MAPK8IP2: variants seen among roughly 807,000 people sequenced by gnomAD.
The protein encoded by MAPK8IP2 is C-Jun-amino-terminal kinase-interacting protein 2.
A neutral mutation model predicts 75.6 loss-of-function variants in MAPK8IP2; 15 were observed. The observed-to-expected ratio is 0.20, with a 90% CI of 0.13 to 0.31. MAPK8IP2 has a LOEUF of 0.31. Among genes scored for constraint, MAPK8IP2 ranks in the 10% least tolerant of loss-of-function variants. MAPK8IP2 has a pLI of 1.00. For synonymous variants in MAPK8IP2, 632 were observed against 554.5 expected, an observed-to-expected ratio of 1.14 and a Z score of -1.96; for missense variants, 1,089 against 1,211.2, an observed-to-expected ratio of 0.90 and a Z score of 1.50.
chr22:50,603,503 G>A lies in MAPK8IP2; in HGVS notation c.447+5G>A. On this transcript the variant is annotated splice_donor_5th_base_variant and intron_variant, in intron 3 of 11. Transcript: ENST00000329492. Reference sequence around the variant, plus strand: ...CTGACCACACTGGGGGCCCAGGTGAGTGCCCGGACCCACAGCTCCCTGGAG... The same window carrying A: ...CTGACCACACTGGGGGCCCAGGTGAATGCCCGGACCCACAGCTCCCTGGAG... 1 of 1,563,364 alleles carries A rather than the reference G, an allele frequency of 6.4e-7. No homozygotes were observed. Among genetic ancestry groups the A allele is most frequent in the Non-Finnish European group, 8.7e-7 (1 of 1,150,660 alleles).
intron 10 of MAPK8IP2, among the ~76,000 whole-genome samples, chr22:50,609,284 T>G (rs528874798): frequency 2.1e-3 from 319 of 152,242 alleles, no homozygotes; most frequent in Non-Finnish European, 2.7e-3. Flanking sequence ...CCATCCTGCC[T>G]GTGTGTCCTG....
chr22:50,603,090 G>A, intron 2 of MAPK8IP2, 133 bp from the exon 3 acceptor site: 1 of 1,561,178 alleles, frequency 6.4e-7, no homozygotes, highest in Non-Finnish European at 8.7e-7. Context: ...TCGCCCTGTA[G>A]ACAGAGGGGC....
At chr22:50,601,487 T>TGTA in intron 1 of MAPK8IP2, 2 of 341,404 alleles carry the variant, frequency 5.9e-6, no homozygotes, top group South Asian at 3.6e-5. Context: ...TGCAAGACCC[T>TGTA]GACCCCAGGG....
In MAPK8IP2 at chr22:50,607,743, C is replaced by A. The variant is rs766564467; in HGVS notation, c.2303+752C>A. Among the ~76,000 whole-genome samples the A allele has an allele frequency of 2.5e-4, 38 of 151,870 alleles. No individual in the cohort carries two copies. Among genetic ancestry groups the A allele is most frequent in the Non-Finnish European group, 5.2e-4 (35 of 67,948 alleles). On this transcript the variant is annotated intron_variant, in intron 10 of 11. Coordinates refer to ENST00000329492, the MANE Select transcript of MAPK8IP2 (RefSeq NM_012324.6). The surrounding 1 kb of genome is among the most constrained non-coding windows in gnomAD (Gnocchi z 5.6). ...GCGGGATCAATCACAAACGGTGAGA[C>A]TGAAGTGGCCGTTGGTCCCATGGGT...
At position 50,613,855 on chromosome 22, in the gene MAPK8IP2, C is replaced by T. The variant is rs1189455499; in HGVS notation, c.*3076C>T. On this transcript the variant is annotated 3_prime_UTR_variant, in exon 12 of 12. Coordinates refer to ENST00000329492, the MANE Select transcript of MAPK8IP2 (RefSeq NM_012324.6). ...CCAGAGAGCAGGCGTGGCTGTTGAC[C>T]TTAGGTCCTCCCAGAACCTGGCGGA... 1.3e-5 allele frequency: 2 copies of T among 152,238 alleles called. No homozygotes were observed. The highest frequency in any genetic ancestry group is 2.9e-5 in the Non-Finnish European group (2 of 68,038). 9.4% of individuals were successfully genotyped at this position (152,238 alleles called of 1,614,324 possible). A position where few individuals can be genotyped will look rare whatever the true frequency, so the allele number is the denominator to read the frequency against.
chr22:50,601,862 G>A lies in MAPK8IP2; in HGVS notation c.139G>A (p.Gly47Ser), dbSNP rs1175641888. Residue 47 changes from glycine to serine, a missense_variant, in exon 2 of 12, where the codon GGC (glycine) becomes AGC (serine). Coordinates refer to ENST00000329492, the MANE Select transcript of MAPK8IP2 (RefSeq NM_012324.6). ...TGAGATCACTGATGACTGTGGCCTG[G>A]GCCTCAGCTACGACTCAGACCACTG... ...LSEITDDCGL[G>S]LSYDSDHCEK... is the part of the protein sequence containing the mutation. 2 of 1,613,908 alleles carry A rather than the reference G, an allele frequency of 1.2e-6. No homozygotes were observed. The highest frequency in any genetic ancestry group is 1.3e-5 in the African/African-American group (1 of 75,044).
rs1402862769 is a variant in MAPK8IP2 at position 50,607,529 on chromosome 22, G to A, written c.2303+538G>A. ...GCTCCTAATGGAAGGAGGTGACACAGGGGACCTGGGGGCTGCTGAGGTTAT... is the reference window on the plus strand; with the variant it reads ...GCTCCTAATGGAAGGAGGTGACACAAGGGACCTGGGGGCTGCTGAGGTTAT... On this transcript the variant is annotated intron_variant, in intron 10 of 11. Coordinates refer to ENST00000329492, the MANE Select transcript of MAPK8IP2 (RefSeq NM_012324.6). This position sits in a 1 kb window ranked among gnomAD's most constrained non-coding sequence, Gnocchi z 5.6. Among the ~76,000 whole-genome samples the A allele has an allele frequency of 6.6e-6, 1 of 152,150 alleles. No homozygotes were observed. The highest frequency in any genetic ancestry group is 1.5e-5 in the Non-Finnish European group (1 of 68,016).
At position 50,600,823 on chromosome 22, in the gene MAPK8IP2, C is replaced by T; in HGVS notation, c.5C>T (p.Ala2Val). ...CGCGGGCCTCTCCCGGAGAAGATGG[C>T]GGATCGCGCGGAGATGTTTTCTCTC... is the stretch of plus-strand genomic sequence containing the variant. M[A>V]DRAEMFSLST... The change falls in exon 1 of 12, where the codon GCG (alanine) becomes GTG (valine). Residue 2 changes from alanine to valine, a missense_variant. By Grantham distance (64) the Ala-to-Val change is moderately conservative. Coordinates refer to ENST00000329492, the MANE Select transcript of MAPK8IP2 (RefSeq NM_012324.6). 3 of 1,291,500 alleles carry T rather than the reference C, an allele frequency of 2.3e-6. No homozygotes were observed. The highest frequency in any genetic ancestry group is 1.4e-5 in the South Asian group (1 of 71,654). 80.0% of individuals were successfully genotyped at this position (1,291,500 alleles called of 1,614,324 possible). A position where few individuals can be genotyped will look rare whatever the true frequency, so the allele number is the denominator to read the frequency against.
chr22:50,608,908 T>G (rs1195911818), intron 10 of MAPK8IP2, among the ~76,000 whole-genome samples: 2 of 152,108 alleles, frequency 1.3e-5, no homozygotes, highest in Non-Finnish European at 2.9e-5. Context: ...GACCCAAATT[T>G]CTCATCAGAA....
At position 50,607,078 on chromosome 22, in the gene MAPK8IP2, G is replaced by A. The variant is rs2071065867; in HGVS notation, c.2303+87G>A. On this transcript the variant is annotated intron_variant, in intron 10 of 11. Transcript: ENST00000329492. This position sits in a 1 kb window ranked among gnomAD's most constrained non-coding sequence, Gnocchi z 5.6. Reference sequence around the variant, plus strand: ...CCCCCTGAGTCCCCACAGACCCTGAGGGCTGCCCGTGCCCAGCCCTGAGAG... The same window carrying A: ...CCCCCTGAGTCCCCACAGACCCTGAAGGCTGCCCGTGCCCAGCCCTGAGAG... 1.8e-6 allele frequency: 2 copies of A among 1,100,574 alleles called. No individual in the cohort carries two copies. Among genetic ancestry groups the A allele is most frequent in the Middle Eastern group, 2.4e-4 (1 of 4,164 alleles). The allele number at this position is 1,100,574 out of a possible 1,614,324, so 68.2% of individuals were successfully genotyped here.
Position 50,604,566 on chromosome 22 carries a change from G to A in MAPK8IP2, c.1267G>A (p.Ala423Thr). The A allele has an allele frequency of 1.7e-6, 2 of 1,180,996 alleles. No homozygotes were observed. Among genetic ancestry groups the A allele is most frequent in the Non-Finnish European group, 2.1e-6 (2 of 959,398 alleles). The allele number at this position is 1,180,996 out of a possible 1,614,324, so 73.2% of individuals were successfully genotyped here. A position where few individuals can be genotyped will look rare whatever the true frequency, so the allele number is the denominator to read the frequency against. Residue 423 changes from alanine to threonine, a missense_variant, in exon 5 of 12, where the codon GCC (alanine) becomes ACC (threonine). By Grantham distance (58) the Ala-to-Thr change is moderately conservative. This residue lies in a region of MAPK8IP2 where 960 missense variants were observed against 1,009.6 expected (regional missense o/e 0.95). Transcript: ENST00000329492. ...GTGCGCGCCGCCGCCGCCCGCGCCC[G>A]CCGCGCCTCGACCCGGCCCCGCGCA... Reference protein sequence around the residue: ...TLCAPPPPAPAAPRPGPAQPG... With the variant: ...TLCAPPPPAPTAPRPGPAQPG...
At chr22:50,605,193 C>G (rs2071027142) in intron 5 of MAPK8IP2, 129 bp downstream of exon 5, 10 of 1,204,332 alleles carry the variant, frequency 8.3e-6, no homozygotes, top group South Asian at 6.7e-5. Flanking sequence ...TGGGTGCCCT[C>G]TCCCACCCAG....
Position 50,610,330 on chromosome 22 carries a change from G to A in MAPK8IP2, c.2402+20G>A, listed in dbSNP as rs2071127727. Reference sequence around the variant, plus strand: ...TGTGGGGTGAGTGGGGCCCCAGGGTGTGGGTGCAGAATGGGTGCAGGGTTA... The same window carrying A: ...TGTGGGGTGAGTGGGGCCCCAGGGTATGGGTGCAGAATGGGTGCAGGGTTA... On this transcript the variant is annotated intron_variant, in intron 11 of 11. Transcript: ENST00000329492. The surrounding 1 kb of genome is among the most constrained non-coding windows in gnomAD (Gnocchi z 4.3). 6.3e-7 allele frequency: 1 copy of A among 1,581,476 alleles called. No homozygotes were observed. The highest frequency in any genetic ancestry group is 8.6e-7 in the Non-Finnish European group (1 of 1,161,938).
Position 50,603,968 on chromosome 22 carries a change from C to T in MAPK8IP2, c.669C>T (p.Ser223=). The stretch of plus-strand genomic sequence containing the variant: ...CTGCGCCAGGGGGGACTTCGCCCTC[C>T]TCAGATCCCGGCATCGAGGCTGACC... The part of the protein sequence containing the change: ...EPPAPGGTSP[S]SDPGIEADLR... Residue 223 remains serine (S), a synonymous_variant, in exon 5 of 12, where the codon TCC becomes TCT. Coordinates refer to ENST00000329492, the MANE Select transcript of MAPK8IP2 (RefSeq NM_012324.6). 1 of 1,555,188 alleles carries T rather than the reference C, an allele frequency of 6.4e-7. No individual in the cohort carries two copies. The highest frequency in any genetic ancestry group is 1.9e-5 in the Admixed American group (1 of 52,760).
Position 50,610,146 on chromosome 22 carries a change from T to A in MAPK8IP2, c.2304-66T>A, listed in dbSNP as rs2071123528. On this transcript the variant is annotated intron_variant, in intron 10 of 11. Transcript: ENST00000329492. The surrounding 1 kb of genome is among the most constrained non-coding windows in gnomAD (Gnocchi z 4.3). The stretch of plus-strand genomic sequence containing the variant: ...TTTGTTCCTGCCTCTTCTCTCTACA[T>A]CATTTGTGGGGTGGCCAAGGCTGGG... 1 of 1,198,732 alleles carries A rather than the reference T, an allele frequency of 8.3e-7. No homozygotes were observed. Among genetic ancestry groups the A allele is most frequent in the African/African-American group, 1.5e-5 (1 of 66,290 alleles). 74.3% of individuals were successfully genotyped at this position (1,198,732 alleles called of 1,614,324 possible). A position where few individuals can be genotyped will look rare whatever the true frequency, so the allele number is the denominator to read the frequency against.
At chr22:50,608,461 A>G (rs933403352) in intron 10 of MAPK8IP2, among the ~76,000 whole-genome samples, 62 of 94,312 alleles carry the variant, frequency 6.6e-4, no homozygotes, top group Non-Finnish European at 1.0e-3. Flanking sequence ...ACCAGACAGC[A>G]GGGACAGCTC....
chr22:50,600,842 T>TTC lies in MAPK8IP2; in HGVS notation c.31_32dup (p.Thr12ProfsTer17). The TTC allele has an allele frequency of 1.5e-6, 2 of 1,309,354 alleles. No individual in the cohort carries two copies. The highest frequency in any genetic ancestry group is 2.6e-5 in the Admixed American group (1 of 38,966). 81.1% of individuals were successfully genotyped at this position (1,309,354 alleles called of 1,614,324 possible). ...AGATGGCGGATCGCGCGGAGATGTTTTCTCTCTCCACCTTCCACTCGCTGT... is the reference window on the plus strand; with the variant it reads ...AGATGGCGGATCGCGCGGAGATGTTTTCTCTCTCTCCACCTTCCACTCGCTGT... On this transcript the variant is annotated frameshift_variant, in exon 1 of 12. Coordinates refer to ENST00000329492, the MANE Select transcript of MAPK8IP2 (RefSeq NM_012324.6). LOFTEE classifies it high-confidence loss of function.
chr22:50,600,829 G>A lies in MAPK8IP2; in HGVS notation c.11G>A (p.Arg4His). The A allele has an allele frequency of 7.7e-7, 1 of 1,297,284 alleles. No individual in the cohort carries two copies. The highest frequency in any genetic ancestry group is 1.0e-6 in the Non-Finnish European group (1 of 996,734). The allele number at this position is 1,297,284 out of a possible 1,614,324, so 80.4% of individuals were successfully genotyped here. A position where few individuals can be genotyped will look rare whatever the true frequency, so the allele number is the denominator to read the frequency against. Residue 4 changes from arginine to histidine, a missense_variant, in exon 1 of 12, where the codon CGC becomes CAC. By Grantham distance (29) the Arg-to-His change is conservative. This residue lies in a region of MAPK8IP2 where 960 missense variants were observed against 1,009.6 expected (regional missense o/e 0.95). Transcript: ENST00000329492. ...CCTCTCCCGGAGAAGATGGCGGATC[G>A]CGCGGAGATGTTTTCTCTCTCCACC... MAD[R>H]AEMFSLSTFH...
intron 10 of MAPK8IP2, among the ~76,000 whole-genome samples, chr22:50,608,153 G>C (rs1202496351): frequency 6.6e-6 from 1 of 152,140 alleles, no homozygotes; most frequent in Non-Finnish European, 1.5e-5. Flanking sequence ...GGTCGAGAGT[G>C]AGGGTGCTGC....
Sources: gnomAD v4.1 joint callset for allele counts (sites outside exome capture counted in the v4.1 genomes callset) on GRCh38, gnomAD v4.1.1 for gene constraint, gnomAD v4.1.1 regional missense constraint, Gnocchi (gnomAD v3.1) non-coding constraint, MANE v1.5 for transcripts, NCBI Gene and HGNC (gene_info 2026-07-23, HGNC 2026-07-21) for gene names.